Variants in PTTG1 observed in about 807,000 individuals in gnomAD.
The protein encoded by PTTG1 is securin.
In PTTG1, 8 loss-of-function variants were observed where a neutral mutation model predicts 20.0. The observed-to-expected ratio is 0.40, with a 90% CI of 0.23 to 0.72. PTTG1 has a LOEUF of 0.72. Among genes scored for constraint, PTTG1 ranks in the 30% least tolerant of loss-of-function variants. The pLI is 0.38. For missense variants in PTTG1, 197 were observed against 236.0 expected, an observed-to-expected ratio of 0.83 and a Z score of 1.08; for synonymous variants, 79 against 87.2, an observed-to-expected ratio of 0.91 and a Z score of 0.52.
At chr5:160,428,526 C>T (rs759297282) in intron 5 of PTTG1, 76 bp from the exon 6 acceptor site, 1 of 1,259,986 alleles carries the variant, frequency 7.9e-7, no homozygotes, top group Non-Finnish European at 1.2e-6. Flanking sequence ...TTTTGATTGA[C>T]AGCTAATGTC....
intron 4 of PTTG1, chr5:160,424,544 A>C (rs1044178769): frequency 1.1e-5 from 5 of 469,924 alleles, no homozygotes; most frequent in Non-Finnish European, 1.9e-5. Context: ...TGTAGAAGAC[A>C]TTGTTCCTGT....
At position 160,422,711 on chromosome 5, in the gene PTTG1, A is replaced by C; in HGVS notation, c.94A>C (p.Ile32Leu). 5 of 1,614,084 alleles carry C rather than the reference A, an allele frequency of 3.1e-6. No homozygotes were observed. Among genetic ancestry groups the C allele is most frequent in the Non-Finnish European group, 4.2e-6 (5 of 1,179,986 alleles). Reference protein sequence around the residue: ...DGLKLGSGPSIKALDGRSQVS... With the variant: ...DGLKLGSGPSLKALDGRSQVS... Reference sequence around the variant, plus strand: ...TTATGGTAAGACTTTTTCTTCAGCAATCAAAGCCTTAGATGGGAGATCTCA... The same window carrying C: ...TTATGGTAAGACTTTTTCTTCAGCACTCAAAGCCTTAGATGGGAGATCTCA... The change falls in exon 3 of 6, where the codon ATC becomes CTC. Residue 32 changes from isoleucine to leucine, a missense_variant and splice_region_variant. Coordinates refer to ENST00000352433, the MANE Select transcript of PTTG1 (RefSeq NM_004219.4).
intron 5 of PTTG1, 47 bp downstream of exon 5, chr5:160,427,920 C>T (rs1345435596): frequency 5.6e-6 from 9 of 1,609,360 alleles, no homozygotes; most frequent in Non-Finnish European, 7.7e-6. Context: ...CAATTTGTTT[C>T]ATAACACTTC....
At chr5:160,424,352 A>G (rs751338561) in intron 4 of PTTG1, 22 bp downstream of exon 4, 1 of 1,532,174 alleles carries the variant, frequency 6.5e-7, no homozygotes, top group Middle Eastern at 1.7e-4. Context: ...TGCAATTGCG[A>G]AAAGTGCTTT....
chr5:160,422,640 A>G (rs759427119), intron 2 of PTTG1, 69 bp from the exon 3 acceptor site: 1 of 1,567,186 alleles, frequency 6.4e-7, no homozygotes, highest in Non-Finnish European at 8.8e-7. Context: ...TCAAGTTTAT[A>G]TACACAGTAT....
At chr5:160,424,358 G>A in intron 4 of PTTG1, 28 bp downstream of exon 4, 1 of 1,487,714 alleles carries the variant, frequency 6.7e-7, no homozygotes, top group Non-Finnish European at 9.3e-7. Context: ...TGCGAAAAGT[G>A]CTTTTGGCCT....
At chr5:160,427,681 C>A in intron 4 of PTTG1, 34 bp from the exon 5 acceptor site, 1 of 1,605,384 alleles carries the variant, frequency 6.2e-7, no homozygotes, top group South Asian at 1.1e-5. Context: ...CTAAGAACTG[C>A]TGCCCTGACA....
In PTTG1 at chr5:160,422,892, AG is replaced by A; in HGVS notation, c.276+1del. 3.1e-6 allele frequency: 5 copies of A among 1,614,054 alleles called. No individual in the cohort carries two copies. The highest frequency in any genetic ancestry group is 4.2e-6 in the Non-Finnish European group (5 of 1,179,908). The part of the protein sequence containing the change: ...KQKQPSFSAK[K>X]MTEKTVKAKS... Reference sequence around the variant, plus strand: ...AAACAGCCAAGCTTTTCTGCCAAAAAGGTAAGTGTTGGCTATAAAGACACTG... The same window carrying A: ...AAACAGCCAAGCTTTTCTGCCAAAAAGTAAGTGTTGGCTATAAAGACACTG... On this transcript the variant is annotated frameshift_variant and splice_region_variant, in exon 3 of 6. Transcript: ENST00000352433. LOFTEE classifies it high-confidence loss of function.
chr5:160,428,057 C>T (rs1286086356), intron 5 of PTTG1, among the ~76,000 whole-genome samples, 184 bp downstream of exon 5: 1 of 152,124 alleles, frequency 6.6e-6, no homozygotes, highest in Non-Finnish European at 1.5e-5. Flanking sequence ...CCCAAATGCC[C>T]CAGTAAAATT....
rs1026814649 is a variant in PTTG1 at position 160,428,738 on chromosome 5, G to C, written c.*57G>C. On this transcript the variant is annotated 3_prime_UTR_variant, in exon 6 of 6. Coordinates refer to ENST00000352433, the MANE Select transcript of PTTG1 (RefSeq NM_004219.4). ...TGTATTAATAAAGCATTCTTTAACAGATTCTTCCTAGTATTGTGGTTGCTT... is the reference window on the plus strand; with the variant it reads ...TGTATTAATAAAGCATTCTTTAACACATTCTTCCTAGTATTGTGGTTGCTT... The C allele has an allele frequency of 6.0e-6, 9 of 1,488,250 alleles. No homozygotes were observed. In the Admixed American group the frequency reaches 1.2e-4, roughly 20 times the overall value. The allele number at this position is 1,488,250 out of a possible 1,614,324, so 92.2% of individuals were successfully genotyped here.
At position 160,424,234 on chromosome 5, in the gene PTTG1, T is replaced by C; in HGVS notation, c.277-3T>C. On this transcript the variant is annotated splice_region_variant and splice_polypyrimidine_tract_variant and intron_variant, in intron 3 of 5. Transcript: ENST00000352433. ...TAACCCATATTTTCTTTGGCTGTTC[T>C]AGATGACTGAGAAGACTGTTAAAGC... 1 of 1,602,576 alleles carries C rather than the reference T, an allele frequency of 6.2e-7. No individual in the cohort carries two copies. The highest frequency in any genetic ancestry group is 1.1e-5 in the South Asian group (1 of 90,366).
chr5:160,423,946 G>T (rs990742745), intron 3 of PTTG1, among the ~76,000 whole-genome samples: 1 of 152,170 alleles, frequency 6.6e-6, no homozygotes, highest in South Asian at 2.1e-4. Flanking sequence ...GGTGATTCAT[G>T]CCCATTTTCT....
intron 4 of PTTG1, among the ~76,000 whole-genome samples, chr5:160,424,969 A>G (rs1309797139): frequency 6.6e-6 from 1 of 152,154 alleles, no homozygotes; most frequent in Non-Finnish European, 1.5e-5. Context: ...GAGCCAGAAA[A>G]AACAGCATTG....
At chr5:160,424,182 A>G in intron 3 of PTTG1, 55 bp from the exon 4 acceptor site, 3 of 1,308,096 alleles carry the variant, frequency 2.3e-6, no homozygotes, top group South Asian at 1.3e-5. Flanking sequence ...TTAAAAACTA[A>G]TCAGCTAATA....
Position 160,426,792 on chromosome 5 carries a change from C to G in PTTG1, c.371-923C>G, listed in dbSNP as rs182922427. ...GATGCAGTGGCTCACGCCTGTAATC[C>G]CAGCACTTTGGGAGGCAAGGCGGGC... On this transcript the variant is annotated intron_variant, in intron 4 of 5. Transcript: ENST00000352433. Among the ~76,000 whole-genome samples the G allele has an allele frequency of 1.1e-4, 16 of 152,284 alleles. No individual in the cohort carries two copies. In the East Asian group the frequency reaches 3.1e-3, roughly 29 times the overall value.
In PTTG1 at chr5:160,427,387, T is replaced by C. The variant is rs144428949; in HGVS notation, c.371-328T>C. ...AGACATCTCAAGGATGGAGAGCTAATAAAATTAATACTTTCTACTGCATAT... is the reference window on the plus strand; with the variant it reads ...AGACATCTCAAGGATGGAGAGCTAACAAAATTAATACTTTCTACTGCATAT... On this transcript the variant is annotated intron_variant, in intron 4 of 5. Coordinates refer to ENST00000352433, the MANE Select transcript of PTTG1 (RefSeq NM_004219.4). Among the ~76,000 whole-genome samples, 13 of 152,328 alleles carry C rather than the reference T, an allele frequency of 8.5e-5. No individual in the cohort carries two copies. The East Asian group carries it at 2.5e-3, about 29-fold the overall frequency.
At position 160,427,933 on chromosome 5, in the gene PTTG1, T is replaced by C. The variant is rs371651774; in HGVS notation, c.529+60T>C. 497 of 1,595,810 alleles carry C rather than the reference T, an allele frequency of 3.1e-4. 1 individual carries two copies. In the African/African-American group the frequency reaches 5.7e-3, roughly 18 times the overall value. Reference sequence around the variant, plus strand: ...AACAATTTGTTTCATAACACTTCCATTACCATGGGAAGAGTTGTGCGGGAG... The same window carrying C: ...AACAATTTGTTTCATAACACTTCCACTACCATGGGAAGAGTTGTGCGGGAG... On this transcript the variant is annotated intron_variant, in intron 5 of 5. Transcript: ENST00000352433.
At chr5:160,425,198 C>T (rs1765783418) in intron 4 of PTTG1, among the ~76,000 whole-genome samples, 1 of 152,194 alleles carries the variant, frequency 6.6e-6, no homozygotes, top group Non-Finnish European at 1.5e-5. Flanking sequence ...CTTTTAGAAA[C>T]TACAAACATT....
intron 3 of PTTG1, among the ~76,000 whole-genome samples, chr5:160,423,238 C>A (rs1403649207): frequency 2.6e-5 from 4 of 152,194 alleles, no homozygotes; most frequent in Non-Finnish European, 4.4e-5. Flanking sequence ...CTTACAGATA[C>A]ATACTGAGAG....
Sources: allele counts gnomAD v4.1 joint callset (sites outside exome capture counted in the v4.1 genomes callset), GRCh38; gene constraint gnomAD v4.1.1; transcripts MANE v1.5; gene names NCBI Gene and HGNC (gene_info 2026-07-23, HGNC 2026-07-21).